The following SAMD4A variants were observed in gnomAD, a reference collection of about 807,000 sequenced individuals.
SAMD4A encodes sterile alpha motif domain containing 4A, also known as protein Smaug homolog 1.
A neutral mutation model predicts 81.3 loss-of-function variants in SAMD4A; 33 were observed. The ratio of observed to expected loss-of-function variants is 0.41; its 90% CI spans 0.31 to 0.54. The LOEUF (loss-of-function observed/expected upper bound fraction) is 0.54. Ranked by LOEUF, SAMD4A falls within the 20% of genes least tolerant of loss-of-function variation. The pLI is 0.37. For synonymous variants in SAMD4A, 389 were observed against 382.1 expected (o/e 1.02, Z -0.21); for missense variants, 854 against 951.1 (o/e 0.90, Z 1.34).
At position 54,744,086 on chromosome 14, in the gene SAMD4A, A is replaced by G. The variant is rs1435601555; in HGVS notation, c.980-4729A>G. ...AGAGCAGTCTGGCTTGCTGTGGTGA[A>G]TGGGAGTTGATCTTCCATCTGCAGT... On this transcript the variant is annotated intron_variant, in intron 4 of 12. Transcript: ENST00000554335. 2.0e-5 allele frequency among the ~76,000 whole-genome samples: 3 copies of G among 152,082 alleles called. No individual in the cohort carries two copies. The East Asian group carries it at 5.8e-4, about 29-fold the overall frequency.
chr14:54,597,998 T>C (rs950919634), intron 2 of SAMD4A, among the ~76,000 whole-genome samples: 4 of 152,178 alleles, frequency 2.6e-5, no homozygotes, highest in African/African-American at 7.2e-5. Context: ...AGATGAGTCA[T>C]GCTAATTTAG....
chr14:54,606,217 GCAC>G (rs2034201154), intron 2 of SAMD4A, among the ~76,000 whole-genome samples: 1 of 144,106 alleles, frequency 6.9e-6, no homozygotes, highest in African/African-American at 2.6e-5. Flanking sequence ...GTGTGTGCGT[GCAC>G]GTGCACGTGC....
At chr14:54,720,652 G>A (rs901526366) in intron 3 of SAMD4A, among the ~76,000 whole-genome samples, 4 of 152,104 alleles carry the variant, frequency 2.6e-5, no homozygotes, top group African/African-American at 9.7e-5. Flanking sequence ...TGCTGAGCAG[G>A]GTAGAAGGGA....
intron 4 of SAMD4A, among the ~76,000 whole-genome samples, chr14:54,745,868 T>A (rs563152288): frequency 1.3e-5 from 2 of 152,324 alleles, no homozygotes; most frequent in East Asian, 3.9e-4. Context: ...GTTCTGCTTC[T>A]CCCTGTTTGC....
chr14:54,605,617 CT>C, intron 2 of SAMD4A, among the ~76,000 whole-genome samples: 1 of 152,148 alleles, frequency 6.6e-6, no homozygotes, highest in South Asian at 2.1e-4. Flanking sequence ...GCCCATCCTG[CT>C]AAAGGTTTGA....
chr14:54,688,260 C>G (rs2036331410), intron 2 of SAMD4A: 3 of 985,288 alleles, frequency 3.0e-6, no homozygotes, highest in Non-Finnish European at 3.6e-6. Flanking sequence ...TGAGTTGATA[C>G]CAAACTTCAC....
At chr14:54,591,289 G>A (rs1019402914) in intron 2 of SAMD4A, among the ~76,000 whole-genome samples, 3 of 152,128 alleles carry the variant, frequency 2.0e-5, no homozygotes, top group Non-Finnish European at 4.4e-5. Context: ...ATTTGTGGAT[G>A]TATTCGTGGT....
In SAMD4A at chr14:54,737,059, C is replaced by T. The variant is rs1238982766; in HGVS notation, c.751C>T (p.Arg251Ter). Residue 251 changes from arginine (R) to a stop codon, truncating the protein, a stop_gained, in exon 4 of 13, where the codon CGA becomes TGA. Transcript: ENST00000554335. LOFTEE classifies it high-confidence loss of function. Reference protein sequence around the residue: ...SGQAHHSPLKRSVSLTPPMNV... With the variant: ...SGQAHHSPLK ...CCAGGCACACCACAGCCCTTTGAAA[C>T]GATCTGTGTCCCTTACCCCACCCAT... is the stretch of plus-strand genomic sequence containing the variant. 2.5e-6 allele frequency: 4 copies of T among 1,613,940 alleles called. No homozygotes were observed. Among genetic ancestry groups the T allele is most frequent in the Non-Finnish European group, 3.4e-6 (4 of 1,179,980 alleles).
At chr14:54,673,191 G>A (rs1237418751) in intron 2 of SAMD4A, among the ~76,000 whole-genome samples, 1 of 152,222 alleles carries the variant, frequency 6.6e-6, no homozygotes, top group Non-Finnish European at 1.5e-5. Context: ...TTGCTGAAGA[G>A]TAAAGTTTGC....
intron 2 of SAMD4A, among the ~76,000 whole-genome samples, chr14:54,627,782 G>A (rs2034801416): frequency 6.6e-6 from 1 of 152,206 alleles, no homozygotes. Context: ...AGGTCAAAAA[G>A]TAATATTATG....
At chr14:54,687,215 C>T in intron 2 of SAMD4A, 3 of 387,252 alleles carry the variant, frequency 7.7e-6, no homozygotes, top group Non-Finnish European at 1.5e-5. Context: ...CACTGTTCCT[C>T]TTAATGTCAT....
At chr14:54,603,986 G>A (rs373195948) in intron 2 of SAMD4A, among the ~76,000 whole-genome samples, 30 of 152,100 alleles carry the variant, frequency 2.0e-4, no homozygotes, top group African/African-American at 5.1e-4. Context: ...CACCATGCCC[G>A]GCTAATTTTT....
intron 9 of SAMD4A, among the ~76,000 whole-genome samples, chr14:54,771,404 A>ACCAGCT (rs937808500): frequency 2.0e-5 from 3 of 152,218 alleles, no homozygotes; most frequent in African/African-American, 7.2e-5. Context: ...GCAGGCTGGC[A>ACCAGCT]CCAGCTCCAG....
At chr14:54,598,286 C>T (rs538970986) in intron 2 of SAMD4A, among the ~76,000 whole-genome samples, 128 of 152,314 alleles carry the variant, frequency 8.4e-4, no homozygotes, top group African/African-American at 2.9e-3. Flanking sequence ...AAGCTAATCC[C>T]ATATTGCCCT....
chr14:54,717,399 C>T (rs1038679734), intron 3 of SAMD4A, among the ~76,000 whole-genome samples: 9 of 150,706 alleles, frequency 6.0e-5, no homozygotes, highest in African/African-American at 2.2e-4. Flanking sequence ...TATGATTGCA[C>T]CACTGCACTC....
intron 12 of SAMD4A, among the ~76,000 whole-genome samples, chr14:54,788,509 T>C (rs568868082): frequency 6.6e-6 from 1 of 152,238 alleles, no homozygotes; most frequent in South Asian, 2.1e-4. Flanking sequence ...GCTACAAAAG[T>C]CACTTTGTAT....
At chr14:54,762,502 T>G (rs978958709) in intron 7 of SAMD4A, among the ~76,000 whole-genome samples, 1 of 151,982 alleles carries the variant, frequency 6.6e-6, no homozygotes, top group African/African-American at 2.4e-5. Flanking sequence ...GGGCCCTCGC[T>G]CTCCCCCACC....
chr14:54,623,518 G>C, intron 2 of SAMD4A, among the ~76,000 whole-genome samples: 2 of 127,018 alleles, frequency 1.6e-5, no homozygotes, highest in South Asian at 5.2e-4. Context: ...AAAAAAGCAG[G>C]GGGAGGAAAG....
chr14:54,781,321 G>A (rs1035262863), intron 11 of SAMD4A, among the ~76,000 whole-genome samples: 1 of 152,238 alleles, frequency 6.6e-6, no homozygotes, highest in Non-Finnish European at 1.5e-5. Flanking sequence ...TACTGCCAAG[G>A]ACAAGCCCTT....
Sources: allele counts gnomAD v4.1 joint callset (sites outside exome capture counted in the v4.1 genomes callset), GRCh38; gene constraint gnomAD v4.1.1; transcripts MANE v1.5; gene names NCBI Gene and HGNC (gene_info 2026-07-23, HGNC 2026-07-21).